Variants in ACOX3 observed in about 807,000 individuals in gnomAD.
ACOX3 encodes the protein peroxisomal acyl-coenzyme A oxidase 3.
A neutral mutation model predicts 81.5 loss-of-function variants in ACOX3; 73 were observed. That is an observed-to-expected ratio of 0.90 (90% CI 0.74 to 1.09). The LOEUF (loss-of-function observed/expected upper bound fraction) is 1.09. Ranked by LOEUF, ACOX3 falls within the 50% of genes least tolerant of loss-of-function variation. ACOX3 has a pLI of 0.00. For missense variants in ACOX3, 947 were observed against 928.0 expected (o/e 1.02, Z -0.27); for synonymous variants, 387 against 375.1 (o/e 1.03, Z -0.37).
At position 8,368,629 on chromosome 4, in the gene ACOX3, G is replaced by A. The variant is rs1715767970; in HGVS notation, c.1984-1549C>T. 6.6e-6 allele frequency among the ~76,000 whole-genome samples: 1 copy of A among 152,082 alleles called. No homozygotes were observed. Among genetic ancestry groups the A allele is most frequent in the African/African-American group, 2.4e-5 (1 of 41,412 alleles). ...GGAGCAGCGGGCTTGATTTAAGGATGGTCTCAACTCCCCTGCAGCTCTGTT... is the reference window on the plus strand; with the variant it reads ...GGAGCAGCGGGCTTGATTTAAGGATAGTCTCAACTCCCCTGCAGCTCTGTT... On this transcript the variant is annotated intron_variant, in intron 17 of 17. Transcript: ENST00000356406. The surrounding 1 kb of genome is among the most constrained non-coding windows in gnomAD (Gnocchi z 5.9).
rs560253438 is a variant in ACOX3, at chr4:8,408,454, C to T, written c.687+1758G>A. 3.9e-5 allele frequency among the ~76,000 whole-genome samples: 6 copies of T among 152,120 alleles called. No individual in the cohort carries two copies. The East Asian group carries it at 7.8e-4, about 20-fold the overall frequency. On this transcript the variant is annotated intron_variant, in intron 6 of 17. Transcript: ENST00000356406. ...GTGCCCTGAGCACTTGGTGCAGTGG[C>T]GAGAGGGGCGACACAATCCTGCGGA...
At chr4:8,388,513 C>G (rs544713372) in intron 13 of ACOX3, among the ~76,000 whole-genome samples, 1 of 152,264 alleles carries the variant, frequency 6.6e-6, no homozygotes, top group Non-Finnish European at 1.5e-5. Context: ...CCAGCACGGC[C>G]AGGCGCCTCA....
intron 6 of ACOX3, among the ~76,000 whole-genome samples, chr4:8,409,864 G>A (rs192556763): frequency 1.3e-5 from 2 of 151,678 alleles, no homozygotes; most frequent in Non-Finnish European, 2.9e-5. Context: ...TGCGCTGCTG[G>A]TGGGGCTGTA....
Position 8,370,886 on chromosome 4 carries a change from T to G in ACOX3, c.1983+22A>C. On this transcript the variant is annotated intron_variant, in intron 17 of 17. Coordinates refer to ENST00000356406, the MANE Select transcript of ACOX3 (RefSeq NM_003501.3). The surrounding 1 kb of genome is among the most constrained non-coding windows in gnomAD (Gnocchi z 6.3). ...CCCATCAACCCTTGGGGCACTCCCGTGAGGCCCTGTCCTCCCTTTACCTCG... is the reference window on the plus strand; with the variant it reads ...CCCATCAACCCTTGGGGCACTCCCGGGAGGCCCTGTCCTCCCTTTACCTCG... 1 of 1,609,784 alleles carries G rather than the reference T, an allele frequency of 6.2e-7. No homozygotes were observed. The highest frequency in any genetic ancestry group is 8.5e-7 in the Non-Finnish European group (1 of 1,176,976).
intron 10 of ACOX3, among the ~76,000 whole-genome samples, chr4:8,393,637 G>GCACACACA (rs10576121): frequency 9.7e-5 from 14 of 144,510 alleles, no homozygotes; most frequent in African/African-American, 3.0e-4. Flanking sequence ...ACACACACAC[G>GCACACACA]CACACACACA....
Position 8,381,625 on chromosome 4 carries a change from G to A in ACOX3, c.1538-18C>T, listed in dbSNP as rs370052523. On this transcript the variant is annotated intron_variant, in intron 13 of 17. Transcript: ENST00000356406. The surrounding 1 kb of genome is among the most constrained non-coding windows in gnomAD (Gnocchi z 4.3). Reference sequence around the variant, plus strand: ...CAGGGCGACTTCGGAATGACAAACAGAAGGAGAAAAAGTAACAATAGAGAA... The same window carrying A: ...CAGGGCGACTTCGGAATGACAAACAAAAGGAGAAAAAGTAACAATAGAGAA... 1.1e-5 allele frequency: 18 copies of A among 1,578,946 alleles called. No individual in the cohort carries two copies. The highest frequency in any genetic ancestry group is 1.6e-5 in the Non-Finnish European group (18 of 1,150,050).
intron 1 of ACOX3, among the ~76,000 whole-genome samples, chr4:8,435,446 A>T (rs930378438): frequency 2.0e-5 from 3 of 152,122 alleles, no homozygotes; most frequent in African/African-American, 7.2e-5. Context: ...CAGTGAGTGG[A>T]GATTGTGCCA....
In ACOX3 at chr4:8,431,881, T is replaced by C. The variant is rs1049868042; in HGVS notation, c.-15+8767A>G. ...CATTGTTGTTATGTGCACACATTGT[T>C]AAAGCTAAAGTTGCCTCCCACCCTC... On this transcript the variant is annotated intron_variant, in intron 1 of 17. Coordinates refer to ENST00000356406, the MANE Select transcript of ACOX3 (RefSeq NM_003501.3). The surrounding 1 kb of genome is among the most constrained non-coding windows in gnomAD (Gnocchi z 5.3). Among the ~76,000 whole-genome samples, 1 of 152,264 alleles carries C rather than the reference T, an allele frequency of 6.6e-6. No homozygotes were observed. The highest frequency in any genetic ancestry group is 2.4e-5 in the African/African-American group (1 of 41,464).
intron 8 of ACOX3, among the ~76,000 whole-genome samples, chr4:8,397,536 G>A (rs545085516): frequency 6.6e-5 from 10 of 152,354 alleles, no homozygotes; most frequent in African/African-American, 2.4e-4. Context: ...AGCCTTTCCA[G>A]GGGGTTTCAC....
At chr4:8,415,158 T>C (rs1207215351) in intron 3 of ACOX3, among the ~76,000 whole-genome samples, 1 of 152,144 alleles carries the variant, frequency 6.6e-6, no homozygotes, top group Non-Finnish European at 1.5e-5. Flanking sequence ...TTCATGTGAG[T>C]GGTAAGACCT....
intron 10 of ACOX3, 56 bp from the exon 11 acceptor site, chr4:8,392,509 A>G (rs2108869116): frequency 6.8e-7 from 1 of 1,468,308 alleles, no homozygotes; most frequent in East Asian, 2.5e-5. Flanking sequence ...GACACCAAAA[A>G]GTCATAAGTC....
intron 5 of ACOX3, among the ~76,000 whole-genome samples, chr4:8,413,965 G>T (rs1436329806): frequency 6.6e-6 from 1 of 152,206 alleles, no homozygotes; most frequent in East Asian, 1.9e-4. Flanking sequence ...AACGGTTTAT[G>T]AATCCACTAC....
rs1719526352 is a variant in ACOX3 at position 8,394,958 on chromosome 4, A to G, written c.1057-216T>C. ...GGCTTTCACCCATAGCCCTTGACAGACAAGCTCAAACGCAATTCGCTAAAT... is the reference window on the plus strand; with the variant it reads ...GGCTTTCACCCATAGCCCTTGACAGGCAAGCTCAAACGCAATTCGCTAAAT... On this transcript the variant is annotated intron_variant, in intron 9 of 17. Transcript: ENST00000356406. The surrounding 1 kb of genome is among the most constrained non-coding windows in gnomAD (Gnocchi z 5.9). The G allele has an allele frequency of 2.0e-6, 1 of 500,964 alleles. No individual in the cohort carries two copies. The highest frequency in any genetic ancestry group is 3.5e-6 in the Non-Finnish European group (1 of 289,492). The allele number at this position is 500,964 out of a possible 1,614,324, so 31.0% of individuals were successfully genotyped here.
intron 1 of ACOX3, among the ~76,000 whole-genome samples, chr4:8,429,146 G>GAC (rs534910556): frequency 8.5e-5 from 13 of 152,212 alleles, no homozygotes; most frequent in Admixed American, 2.6e-4. Flanking sequence ...TCCAAACTAA[G>GAC]ACACACACAC....
rs1024318284 is a variant in ACOX3, at chr4:8,386,315, C to T, written c.1537+2858G>A. 4.6e-5 allele frequency among the ~76,000 whole-genome samples: 7 copies of T among 152,124 alleles called. No homozygotes were observed. The highest frequency in any genetic ancestry group is 8.8e-5 in the Non-Finnish European group (6 of 68,020). On this transcript the variant is annotated intron_variant, in intron 13 of 17. Coordinates refer to ENST00000356406, the MANE Select transcript of ACOX3 (RefSeq NM_003501.3). This position sits in a 1 kb window ranked among gnomAD's most constrained non-coding sequence, Gnocchi z 5.2. The stretch of plus-strand genomic sequence containing the variant: ...GGCGTGGTGGCTCATGCCTGTGATC[C>T]CAGCACTTCGGGAGGCCAAGGTGGG...
chr4:8,437,042 A>AAT lies in ACOX3; in HGVS notation c.-15+3604_-15+3605dup, dbSNP rs924318194. On this transcript the variant is annotated intron_variant, in intron 1 of 17. Coordinates refer to ENST00000356406, the MANE Select transcript of ACOX3 (RefSeq NM_003501.3). This position sits in a 1 kb window ranked among gnomAD's most constrained non-coding sequence, Gnocchi z 5.2. ...ATATATATTCGAAAAAATATATATAAATATATATATACAAATATATGTAAA... is the reference window on the plus strand; with the variant it reads ...ATATATATTCGAAAAAATATATATAAATATATATATATACAAATATATGTAAA... Among the ~76,000 whole-genome samples, 6 of 146,210 alleles carry AAT rather than the reference A, an allele frequency of 4.1e-5. No homozygotes were observed. Among genetic ancestry groups the AAT allele is most frequent in the African/African-American group, 9.9e-5 (4 of 40,338 alleles).
Position 8,415,942 on chromosome 4 carries a change from C to T in ACOX3, c.202G>A (p.Asp68Asn), listed in dbSNP as rs550830556. ...DPLFARSPGA[D>N]LSLEKYRELN... ...TCGCGATACTTCTCCAAGGACAGATCGGCTCCAGGGGAACGAGCGAAAAGA... is the reference window on the plus strand; with the variant it reads ...TCGCGATACTTCTCCAAGGACAGATTGGCTCCAGGGGAACGAGCGAAAAGA... Residue 68 changes from aspartate to asparagine, a missense_variant, in exon 3 of 18, where the codon GAT (aspartate) becomes AAT (asparagine). Asp to Asn is a conservative substitution (Grantham distance 23). Transcript: ENST00000356406. 21 of 1,614,164 alleles carry T rather than the reference C, an allele frequency of 1.3e-5. No individual in the cohort carries two copies. The African/African-American group carries it at 1.7e-4, about 13-fold the overall frequency.
In ACOX3 at chr4:8,385,793, C is replaced by T. The variant is rs147495857; in HGVS notation, c.1537+3380G>A. Among the ~76,000 whole-genome samples the T allele has an allele frequency of 6.0e-3, 912 of 152,356 alleles. 5 individuals carry two copies. The highest frequency in any genetic ancestry group is 0.017 in the Middle Eastern group (5 of 294). ...CCCCACATCACTTAAACAGCTTTTA[C>T]CAAAGATCCACATGACGCAGGCTGC... On this transcript the variant is annotated intron_variant, in intron 13 of 17. Coordinates refer to ENST00000356406, the MANE Select transcript of ACOX3 (RefSeq NM_003501.3). This position sits in a 1 kb window ranked among gnomAD's most constrained non-coding sequence, Gnocchi z 5.5.
chr4:8,405,041 C>G lies in ACOX3; in HGVS notation c.776+914G>C, dbSNP rs575776934. Among the ~76,000 whole-genome samples, 51 of 152,264 alleles carry G rather than the reference C, an allele frequency of 3.3e-4. No homozygotes were observed. The highest frequency in any genetic ancestry group is 1.2e-3 in the African/African-American group (50 of 41,556). ...CAGGCAGGGCCTGGCAGGGCCCTGG[C>G]ACAGGGACCTCTCTTGTCACCTACT... On this transcript the variant is annotated intron_variant, in intron 7 of 17. Coordinates refer to ENST00000356406, the MANE Select transcript of ACOX3 (RefSeq NM_003501.3). The surrounding 1 kb of genome is among the most constrained non-coding windows in gnomAD (Gnocchi z 7.1).
Sources: gnomAD v4.1 joint callset for allele counts (sites outside exome capture counted in the v4.1 genomes callset) on GRCh38, gnomAD v4.1.1 for gene constraint, Gnocchi (gnomAD v3.1) non-coding constraint, MANE v1.5 for transcripts, NCBI Gene and HGNC (gene_info 2026-07-23, HGNC 2026-07-21) for gene names.